DLG2: variants seen among roughly 807,000 people sequenced by gnomAD.
DLG2 encodes disks large homolog 2.
In DLG2, 45 loss-of-function variants were observed where a neutral mutation model predicts 132.5. The observed-to-expected ratio is 0.34, with a 90% CI of 0.27 to 0.44. The LOEUF (loss-of-function observed/expected upper bound fraction) is 0.44. Ranked by LOEUF, DLG2 falls within the 20% of genes least tolerant of loss-of-function variation. The pLI is 1.00. For missense variants in DLG2, 1,045 were observed against 1,196.9 expected (o/e 0.87, Z 1.87); for synonymous variants, 424 against 419.6 (o/e 1.01, Z -0.13).
chr11:83,777,238 G>A (rs1223058025), intron 18 of DLG2, among the ~76,000 whole-genome samples: 2 of 152,214 alleles, frequency 1.3e-5, no homozygotes, highest in Admixed American at 6.5e-5. Context: ...TAAATGTGAG[G>A]AAGCTAAGAG....
At chr11:84,145,265 T>C (rs2095034050) in intron 9 of DLG2, among the ~76,000 whole-genome samples, 1 of 152,222 alleles carries the variant, frequency 6.6e-6, no homozygotes, top group African/African-American at 2.4e-5. Context: ...GGATATGTTC[T>C]GAGAAATAGA....
chr11:83,491,093 A>T (rs1449053606), intron 21 of DLG2, among the ~76,000 whole-genome samples: 1 of 151,580 alleles, frequency 6.6e-6, no homozygotes, highest in African/African-American at 2.4e-5. Context: ...ATACTTAATA[A>T]AAGTAGCTAA....
At chr11:83,489,549 G>A (rs1341159729) in intron 21 of DLG2, among the ~76,000 whole-genome samples, 1 of 151,892 alleles carries the variant, frequency 6.6e-6, no homozygotes, top group Non-Finnish European at 1.5e-5. Context: ...ATTTGGCCCT[G>A]AAAAAATACT....
At chr11:84,733,253 AC>A (rs1290148624) in intron 6 of DLG2, among the ~76,000 whole-genome samples, 15 of 152,288 alleles carry the variant, frequency 9.8e-5, no homozygotes, top group African/African-American at 3.6e-4. Flanking sequence ...TTACAGACCC[AC>A]CAACAGTGTA....
At chr11:84,083,525 T>A (rs937120039) in intron 10 of DLG2, among the ~76,000 whole-genome samples, 1 of 152,188 alleles carries the variant, frequency 6.6e-6, no homozygotes, top group African/African-American at 2.4e-5. Flanking sequence ...TCAGGCCTAA[T>A]AACAGGTGAT....
chr11:84,615,445 C>T (rs1402912879), intron 6 of DLG2, among the ~76,000 whole-genome samples: 1 of 152,030 alleles, frequency 6.6e-6, no homozygotes, highest in African/African-American at 2.4e-5. Flanking sequence ...TTTTATTTCT[C>T]CAGGTAGCTA....
At chr11:85,245,879 T>C (rs1486927817) in intron 4 of DLG2, among the ~76,000 whole-genome samples, 2 of 151,918 alleles carry the variant, frequency 1.3e-5, no homozygotes, top group Non-Finnish European at 2.9e-5. Context: ...TTAGATTAGT[T>C]GTTCTCTCTG....
intron 3 of DLG2, among the ~76,000 whole-genome samples, chr11:85,294,348 TA>T (rs56364347): frequency 3.9e-4 from 57 of 145,484 alleles, no homozygotes; most frequent in Middle Eastern, 3.5e-3. Context: ...GTAACATTTG[TA>T]AAAAAAAAAA....
Position 85,229,203 on chromosome 11 carries a change from TAAAGAG to T in DLG2, c.186+56011_186+56016del, listed in dbSNP as rs1353940285. 9.9e-5 allele frequency among the ~76,000 whole-genome samples: 15 copies of T among 151,752 alleles called. 1 individual carries two copies. The highest frequency in any genetic ancestry group is 3.6e-4 in the African/African-American group (15 of 41,472). ...ACAACACAGTATTTTTTTTTTACTT[TAAAGAG>T]TCAGCTGTCAAGAAAATTTTTGCAA... On this transcript the variant is annotated intron_variant, in intron 4 of 27. Transcript: ENST00000376104.
At chr11:84,221,614 C>T (rs541103906) in intron 8 of DLG2, among the ~76,000 whole-genome samples, 1 of 152,260 alleles carries the variant, frequency 6.6e-6, no homozygotes, top group South Asian at 2.1e-4. Flanking sequence ...GTCACCTGTA[C>T]AGCATTTTAA....
chr11:84,132,501 G>A (rs1019969355), intron 9 of DLG2, among the ~76,000 whole-genome samples: 25 of 151,834 alleles, frequency 1.6e-4, no homozygotes, highest in African/African-American at 5.8e-4. Flanking sequence ...CAAAGATAAC[G>A]ATACATAAGA....
Position 83,787,320 on chromosome 11 carries a change from TTTG to T in DLG2, c.1723-531_1723-529del, listed in dbSNP as rs1004811049. ...AGACAGCCTTAAGCCTTGTTTTTTTTTTGTTTTTTTTTTTTTTTTTAGACAGAG... is the reference window on the plus strand; with the variant it reads ...AGACAGCCTTAAGCCTTGTTTTTTTTTTTTTTTTTTTTTTTTTAGACAGAG... On this transcript the variant is annotated intron_variant, in intron 17 of 27. Coordinates refer to ENST00000376104, the MANE Select transcript of DLG2 (RefSeq NM_001142699.3). 2.3e-4 allele frequency among the ~76,000 whole-genome samples: 21 copies of T among 93,116 alleles called. 5 individuals are homozygous for T. Among genetic ancestry groups the T allele is most frequent in the African/African-American group, 3.0e-4 (5 of 16,784 alleles). The allele number at this position is 93,116 out of a possible 152,430, so 61.1% of individuals were successfully genotyped here.
intron 6 of DLG2, among the ~76,000 whole-genome samples, chr11:84,560,973 A>C (rs1408814400): frequency 6.6e-6 from 1 of 152,130 alleles, no homozygotes; most frequent in Non-Finnish European, 1.5e-5. Context: ...ACAATAATCA[A>C]TGAAATAATT....
At chr11:84,947,013 C>T (rs113587028) in intron 6 of DLG2, among the ~76,000 whole-genome samples, 1 of 152,166 alleles carries the variant, frequency 6.6e-6, no homozygotes. Flanking sequence ...ATTTCCAATG[C>T]CAAGTCCAGC....
chr11:83,854,144 A>T (rs2060169063), intron 16 of DLG2, among the ~76,000 whole-genome samples: 1 of 152,132 alleles, frequency 6.6e-6, no homozygotes, highest in African/African-American at 2.4e-5. Flanking sequence ...ACCCCTGAAA[A>T]TGACATACTT....
At chr11:84,369,516 A>G (rs1403675153) in intron 7 of DLG2, among the ~76,000 whole-genome samples, 1 of 152,160 alleles carries the variant, frequency 6.6e-6, no homozygotes, top group African/African-American at 2.4e-5. Flanking sequence ...TCAATGTCAT[A>G]CAAAGCTTTT....
intron 6 of DLG2, among the ~76,000 whole-genome samples, chr11:84,598,930 T>G (rs1184262103): frequency 6.6e-6 from 1 of 151,078 alleles, no homozygotes; most frequent in African/African-American, 2.4e-5. Context: ...GGTGGCAGAG[T>G]GAGACCCTGC....
intron 6 of DLG2, among the ~76,000 whole-genome samples, chr11:85,074,323 T>C (rs978912841): frequency 1.3e-5 from 2 of 151,910 alleles, no homozygotes; most frequent in Non-Finnish European, 1.5e-5. Flanking sequence ...CTTTCACCAC[T>C]TCTAAGCCTT....
intron 6 of DLG2, among the ~76,000 whole-genome samples, chr11:84,883,661 T>C (rs985100367): frequency 2.2e-4 from 33 of 152,232 alleles, no homozygotes; most frequent in Admixed American, 1.2e-3. Flanking sequence ...GCCTAAACCA[T>C]CATTGCTAAA....
Sources: allele counts gnomAD v4.1 joint callset (sites outside exome capture counted in the v4.1 genomes callset), GRCh38; gene constraint gnomAD v4.1.1; transcripts MANE v1.5; gene names NCBI Gene and HGNC (gene_info 2026-07-23, HGNC 2026-07-21).